The following INO80 variants were observed in gnomAD, a reference collection of about 807,000 sequenced individuals.
The protein encoded by INO80 is chromatin-remodeling ATPase INO80.
Under a neutral mutation model 203.4 loss-of-function variants are expected in INO80, and 20 were observed. The ratio of observed to expected loss-of-function variants is 0.10; its 90% CI spans 0.07 to 0.14. INO80 has a LOEUF of 0.14. INO80 is among the 10% of genes least tolerant of loss of function. INO80 has a pLI of 1.00. For synonymous variants in INO80, 726 were observed against 685.2 expected, an observed-to-expected ratio of 1.06 and a Z score of -0.93; for missense variants, 1,419 against 1,914.4, an observed-to-expected ratio of 0.74 and a Z score of 4.83.
At chr15:40,991,827 G>A (rs1373713873) in intron 29 of INO80, among the ~76,000 whole-genome samples, 2 of 151,850 alleles carry the variant, frequency 1.3e-5, no homozygotes, top group Non-Finnish European at 1.5e-5. Flanking sequence ...AGGCTGGAGT[G>A]CAGTGGCAAG....
At chr15:41,017,020 C>T (rs1289122137) in intron 26 of INO80, 1 of 151,716 alleles carries the variant, frequency 6.6e-6, no homozygotes, top group East Asian at 1.9e-4. Context: ...AACTAGCTCT[C>T]TTGGAGGACT....
At chr15:41,038,793 C>CT (rs1411293226) in intron 24 of INO80, among the ~76,000 whole-genome samples, 1 of 152,190 alleles carries the variant, frequency 6.6e-6, no homozygotes, top group Non-Finnish European at 1.5e-5. Flanking sequence ...ATATCACACT[C>CT]TGAGGTTAAT....
Position 40,994,049 on chromosome 15 carries a change from T to C in INO80, c.3570+3480A>G, listed in dbSNP as rs558189249. Among the ~76,000 whole-genome samples the C allele has an allele frequency of 1.7e-3, 252 of 152,302 alleles. 1 individual carries two copies. Among genetic ancestry groups the C allele is most frequent in the African/African-American group, 5.8e-3 (243 of 41,554 alleles). ...ACCATGGCTACTAACCCCTATATGA[T>C]CTGCTTCTGCAATAGCCATCTCATA... On this transcript the variant is annotated intron_variant, in intron 29 of 35. Transcript: ENST00000648947.
chr15:41,068,391 G>A (rs921885935), intron 14 of INO80, among the ~76,000 whole-genome samples: 4 of 151,798 alleles, frequency 2.6e-5, no homozygotes, highest in East Asian at 1.9e-4. Context: ...GAGAAACCCC[G>A]TCTCTACTAA....
At position 40,987,843 on chromosome 15, in the gene INO80, A is replaced by G; in HGVS notation, c.3702T>C (p.Ile1234=). 2 of 1,614,136 alleles carry G rather than the reference A, an allele frequency of 1.2e-6. No individual in the cohort carries two copies. The highest frequency in any genetic ancestry group is 2.2e-5 in the South Asian group (2 of 91,078). Residue 1234 remains isoleucine, a synonymous_variant, in exon 30 of 36, where the codon ATT becomes ATC. Transcript: ENST00000648947. ...CACTCTTCTCCTTGGCTCTTTGCAG[A>G]ATGCGTTCTTCAATGGTGCCTTTAC... ...LICKGTIEER[I]LQRAKEKSEI...
chr15:40,995,914 C>A (rs560279941), intron 29 of INO80, among the ~76,000 whole-genome samples: 172 of 152,340 alleles, frequency 1.1e-3, no homozygotes, highest in African/African-American at 4.0e-3. Context: ...TACAGCTACC[C>A]AGCAATGCCT....
intron 8 of INO80, among the ~76,000 whole-genome samples, chr15:41,080,209 G>C (rs1321765542): frequency 2.0e-5 from 3 of 152,174 alleles, no homozygotes; most frequent in Non-Finnish European, 4.4e-5. Context: ...ATTAATAACA[G>C]CTATCACTGC....
At chr15:41,051,140 A>AAAAAAAAAAAAAAAAAAAAAAG in intron 19 of INO80, among the ~76,000 whole-genome samples, 1 of 150,876 alleles carries the variant, frequency 6.6e-6, no homozygotes, top group Admixed American at 6.6e-5. Flanking sequence ...AAAAAAAAAA[A>AAAAAAAAAAAAAAAAAAAAAAG]AAAGAAAGTT....
intron 26 of INO80, chr15:41,017,935 T>C (rs1052802849): frequency 6.6e-6 from 1 of 152,240 alleles, no homozygotes; most frequent in Non-Finnish European, 1.5e-5. Flanking sequence ...GAGTACTGTA[T>C]AAATTCCAAG....
intron 24 of INO80, among the ~76,000 whole-genome samples, chr15:41,032,632 T>C (rs1436401631): frequency 6.6e-6 from 1 of 152,198 alleles, no homozygotes; most frequent in African/African-American, 2.4e-5. Flanking sequence ...CTTCAACATA[T>C]GCCACTCTCT....
intron 35 of INO80, among the ~76,000 whole-genome samples, chr15:40,980,756 C>T (rs1384041607): frequency 6.6e-6 from 1 of 152,230 alleles, no homozygotes; most frequent in Non-Finnish European, 1.5e-5. Flanking sequence ...ACCAAAGTTA[C>T]AGGATGAGAG....
At chr15:41,085,000 G>A (rs963510412) in intron 7 of INO80, among the ~76,000 whole-genome samples, 19 of 152,196 alleles carry the variant, frequency 1.2e-4, no homozygotes, top group Non-Finnish European at 1.3e-4. Flanking sequence ...GCCTCCCAAA[G>A]TGCTGGGATT....
intron 29 of INO80, among the ~76,000 whole-genome samples, chr15:40,990,813 A>C (rs1160867201): frequency 2.0e-5 from 3 of 152,230 alleles, no homozygotes; most frequent in Non-Finnish European, 2.9e-5. Flanking sequence ...GAAGACCTTC[A>C]GTTGGACTAG....
At chr15:41,039,248 A>G (rs2044631162) in intron 24 of INO80, among the ~76,000 whole-genome samples, 1 of 152,194 alleles carries the variant, frequency 6.6e-6, no homozygotes, top group South Asian at 2.1e-4. Flanking sequence ...AAGTACTGAG[A>G]TTAAAGGCAT....
intron 4 of INO80, 79 bp from the exon 5 acceptor site, chr15:41,092,261 C>A: frequency 8.3e-7 from 1 of 1,202,880 alleles, no homozygotes; most frequent in Non-Finnish European, 1.1e-6. Context: ...TTCCTAGATC[C>A]AAAACAATGA....
chr15:41,007,525 T>C (rs185343025), intron 27 of INO80, among the ~76,000 whole-genome samples: 81 of 152,172 alleles, frequency 5.3e-4, no homozygotes, highest in African/African-American at 1.9e-3. Context: ...ATAAAAGCAT[T>C]GATGAATGAA....
At chr15:40,990,096 A>C (rs1029348090) in intron 29 of INO80, among the ~76,000 whole-genome samples, 7 of 151,836 alleles carry the variant, frequency 4.6e-5, no homozygotes, top group Admixed American at 4.6e-4. Flanking sequence ...GTATGCATAT[A>C]TCTCTCACTG....
intron 9 of INO80, among the ~76,000 whole-genome samples, chr15:41,077,218 A>ATT (rs112772265): frequency 1.4e-5 from 2 of 144,644 alleles, no homozygotes; most frequent in Middle Eastern, 3.4e-3. Flanking sequence ...TGTTTGCTTT[A>ATT]TTTTTTTTTT....
rs1218268429 is a variant in INO80 at position 40,979,205 on chromosome 15, G to C, written c.*1018C>G. The C allele has an allele frequency of 1.3e-5, 2 of 152,580 alleles. No homozygotes were observed. Among genetic ancestry groups the C allele is most frequent in the Admixed American group, 1.3e-4 (2 of 15,272 alleles). 9.5% of individuals were successfully genotyped at this position (152,580 alleles called of 1,614,324 possible). On this transcript the variant is annotated 3_prime_UTR_variant, in exon 36 of 36. Coordinates refer to ENST00000648947, the MANE Select transcript of INO80 (RefSeq NM_017553.3). Reference sequence around the variant, plus strand: ...GAGGCTTGCCCGCCCGGAGGTACCTGCTCCACCAGGGACATCAGGCAGGGA... The same window carrying C: ...GAGGCTTGCCCGCCCGGAGGTACCTCCTCCACCAGGGACATCAGGCAGGGA...
Sources: gnomAD v4.1 joint callset for allele counts (sites outside exome capture counted in the v4.1 genomes callset) on GRCh38, gnomAD v4.1.1 for gene constraint, MANE v1.5 for transcripts, NCBI Gene and HGNC (gene_info 2026-07-23, HGNC 2026-07-21) for gene names.